The following DOK5 variants were observed in gnomAD, a reference collection of about 807,000 sequenced individuals.
DOK5 encodes docking protein 5.
A neutral mutation model predicts 43.3 loss-of-function variants in DOK5; 27 were observed. The observed-to-expected ratio is 0.62, with a 90% CI of 0.46 to 0.86. The LOEUF (loss-of-function observed/expected upper bound fraction) is 0.86, where lower values mean the gene tolerates loss of function less well. DOK5 is among the 40% of genes least tolerant of loss of function. The pLI is 0.00. For synonymous variants in DOK5, 146 were observed against 140.1 expected (o/e 1.04, Z -0.30); for missense variants, 373 against 392.9 (o/e 0.95, Z 0.43).
intron 5 of DOK5, among the ~76,000 whole-genome samples, chr20:54,592,305 G>A (rs556914134): frequency 6.6e-6 from 1 of 152,206 alleles, no homozygotes; most frequent in East Asian, 1.9e-4. Flanking sequence ...CATGAATACT[G>A]AAAGAGATTA....
At chr20:54,588,959 A>C (rs1985899162) in intron 4 of DOK5, among the ~76,000 whole-genome samples, 153 bp downstream of exon 4, 1 of 152,224 alleles carries the variant, frequency 6.6e-6, no homozygotes, top group African/African-American at 2.4e-5. Flanking sequence ...CTGTGTTAAC[A>C]TTTCAGTGTA....
At chr20:54,574,136 A>G (rs1985382435) in intron 2 of DOK5, among the ~76,000 whole-genome samples, 1 of 152,162 alleles carries the variant, frequency 6.6e-6, no homozygotes, top group Non-Finnish European at 1.5e-5. Context: ...TCTCTGTTGA[A>G]GGAAGGACGC....
chr20:54,486,587 A>G (rs1302693212), intron 1 of DOK5, among the ~76,000 whole-genome samples: 2 of 151,570 alleles, frequency 1.3e-5, no homozygotes, highest in Admixed American at 6.6e-5. Context: ...ACACACACAC[A>G]CGATTTAATT....
chr20:54,596,851 G>A (rs1249963894), intron 5 of DOK5, among the ~76,000 whole-genome samples: 1 of 152,072 alleles, frequency 6.6e-6, no homozygotes, highest in Non-Finnish European at 1.5e-5. Context: ...ATAATCCCAG[G>A]TTTTATGTGA....
intron 1 of DOK5, among the ~76,000 whole-genome samples, chr20:54,541,491 A>C (rs1020865622): frequency 1.4e-4 from 21 of 152,086 alleles, no homozygotes; most frequent in African/African-American, 5.1e-4. Flanking sequence ...GCTGGAGTGC[A>C]GTGGTGCAAT....
At chr20:54,619,023 TTA>T (rs11468808) in intron 6 of DOK5, among the ~76,000 whole-genome samples, 752 of 43,030 alleles carry the variant, frequency 0.017, 4 homozygotes, top group South Asian at 0.033. Context: ...TTTCAATAAA[TTA>T]TATATATATA....
At chr20:54,546,019 T>C (rs899708094) in intron 1 of DOK5, among the ~76,000 whole-genome samples, 4 of 152,204 alleles carry the variant, frequency 2.6e-5, no homozygotes, top group Non-Finnish European at 5.9e-5. Flanking sequence ...AGTCCAACTT[T>C]GCTGAAAAAA....
chr20:54,484,938 A>G (rs1981869856), intron 1 of DOK5, among the ~76,000 whole-genome samples: 1 of 152,170 alleles, frequency 6.6e-6, no homozygotes, highest in South Asian at 2.1e-4. Flanking sequence ...TGATCACTTG[A>G]CCCTGGGAGG....
intron 6 of DOK5, among the ~76,000 whole-genome samples, chr20:54,637,974 C>T (rs985081235): frequency 6.6e-6 from 1 of 152,124 alleles, no homozygotes; most frequent in Admixed American, 6.5e-5. Flanking sequence ...TACAAATAAT[C>T]AGCCAGGCGT....
chr20:54,603,171 C>T (rs1986350360), intron 5 of DOK5, among the ~76,000 whole-genome samples: 1 of 152,152 alleles, frequency 6.6e-6, no homozygotes. Context: ...GCCAGCTGTC[C>T]CATGCTCAGA....
chr20:54,625,939 A>G (rs936355308), intron 6 of DOK5, among the ~76,000 whole-genome samples: 1 of 152,212 alleles, frequency 6.6e-6, no homozygotes, highest in Non-Finnish European at 1.5e-5. Context: ...CACGACATCT[A>G]TGAGCATATA....
chr20:54,536,542 A>G (rs897826716), intron 1 of DOK5, among the ~76,000 whole-genome samples: 2 of 152,130 alleles, frequency 1.3e-5, no homozygotes, highest in African/African-American at 4.8e-5. Context: ...AGTTAGCCAG[A>G]CTAACTTTTG....
intron 1 of DOK5, among the ~76,000 whole-genome samples, chr20:54,490,609 C>T (rs541256374): frequency 1.2e-4 from 19 of 152,134 alleles, no homozygotes; most frequent in East Asian, 3.9e-4. Flanking sequence ...TTTTTTGAGA[C>T]GGAGTCTTGC....
At chr20:54,531,223 T>G (rs1340900097) in intron 1 of DOK5, among the ~76,000 whole-genome samples, 1 of 152,222 alleles carries the variant, frequency 6.6e-6, no homozygotes, top group Non-Finnish European at 1.5e-5. Context: ...TTTCATATAT[T>G]ATGTGGTATT....
chr20:54,539,922 C>T (rs146255453), intron 1 of DOK5, among the ~76,000 whole-genome samples: 9 of 152,306 alleles, frequency 5.9e-5, no homozygotes, highest in African/African-American at 1.4e-4. Flanking sequence ...GAGTCAACCA[C>T]GTGAAGTGCA....
intron 4 of DOK5, 124 bp from the exon 5 acceptor site, chr20:54,591,492 T>A (rs1170849545): frequency 5.8e-6 from 4 of 689,790 alleles, no homozygotes; most frequent in Non-Finnish European, 9.4e-6. Flanking sequence ...GGTTTATCTT[T>A]CTGAATATGC....
At chr20:54,516,786 T>G (rs759163503) in intron 1 of DOK5, among the ~76,000 whole-genome samples, 2 of 152,230 alleles carry the variant, frequency 1.3e-5, no homozygotes, top group Non-Finnish European at 2.9e-5. Context: ...ATATAGAAGT[T>G]GAATTTAGCT....
intron 1 of DOK5, among the ~76,000 whole-genome samples, chr20:54,506,759 C>A (rs982730928): frequency 6.6e-6 from 1 of 152,198 alleles, no homozygotes; most frequent in Non-Finnish European, 1.5e-5. Flanking sequence ...CTGCTCCTGG[C>A]TTGATAAATA....
intron 1 of DOK5, among the ~76,000 whole-genome samples, chr20:54,526,516 C>T (rs1184554954): frequency 6.6e-6 from 1 of 152,140 alleles, no homozygotes; most frequent in Non-Finnish European, 1.5e-5. Flanking sequence ...CTTCTTAGGA[C>T]CCAAACTGAA....
Sources: allele counts gnomAD v4.1 joint callset (sites outside exome capture counted in the v4.1 genomes callset), GRCh38; gene constraint gnomAD v4.1.1; transcripts MANE v1.5; gene names NCBI Gene and HGNC (gene_info 2026-07-23, HGNC 2026-07-21).